Variants in EFCAB14 observed in about 807,000 individuals in gnomAD.
The protein encoded by EFCAB14 is EF-hand calcium binding domain 14.
A neutral mutation model predicts 56.5 loss-of-function variants in EFCAB14; 43 were observed. The observed-to-expected ratio is 0.76, with a 90% CI of 0.60 to 0.98. The LOEUF is 0.98. Among genes scored for constraint, EFCAB14 ranks in the 50% least tolerant of loss-of-function variants. The probability of loss-of-function intolerance (pLI) is 0.00; values close to 1 mark genes in which losing one functional copy is unlikely to be tolerated. For missense variants in EFCAB14, 538 were observed against 580.3 expected (o/e 0.93, Z 0.75); for synonymous variants, 235 against 212.9 (o/e 1.10, Z -0.90).
At chr1:46,712,886 G>A (rs1049876993) in intron 2 of EFCAB14, among the ~76,000 whole-genome samples, 26 of 151,758 alleles carry the variant, frequency 1.7e-4, no homozygotes, top group Admixed American at 4.6e-4. Context: ...GGTGGCATGC[G>A]CCTGTAATTC....
chr1:46,703,558 TCTAA>T (rs1448804281), intron 3 of EFCAB14, among the ~76,000 whole-genome samples: 1 of 152,200 alleles, frequency 6.6e-6, no homozygotes, highest in African/African-American at 2.4e-5. Context: ...AAGAAGCCTA[TCTAA>T]CACATGTATT....
chr1:46,701,521 A>G (rs1308485707), intron 3 of EFCAB14, among the ~76,000 whole-genome samples: 1 of 152,174 alleles, frequency 6.6e-6, no homozygotes, highest in African/African-American at 2.4e-5. Flanking sequence ...GAAAGTTCCA[A>G]CCTCCTGAGG....
At chr1:46,713,810 G>T (rs183148136) in intron 2 of EFCAB14, among the ~76,000 whole-genome samples, 1 of 152,116 alleles carries the variant, frequency 6.6e-6, no homozygotes, top group Non-Finnish European at 1.5e-5. Context: ...GTCTTCAGTG[G>T]TTACTTATGG....
intron 4 of EFCAB14, among the ~76,000 whole-genome samples, chr1:46,695,614 C>CA (rs1245208835): frequency 2.6e-5 from 4 of 152,186 alleles, no homozygotes; most frequent in Non-Finnish European, 5.9e-5. Flanking sequence ...TTTGGGGAAT[C>CA]CCTTCTTCCA....
chr1:46,712,845 T>TG (rs532011566), intron 2 of EFCAB14, among the ~76,000 whole-genome samples: 8 of 150,462 alleles, frequency 5.3e-5, no homozygotes, highest in African/African-American at 2.0e-4. Flanking sequence ...CTGTCTCTAC[T>TG]AAAAAAAAAT....
Position 46,697,749 on chromosome 1 carries a change from GCT to G in EFCAB14, c.481-1102_481-1101del, listed in dbSNP as rs200053831. 2.2e-3 allele frequency among the ~76,000 whole-genome samples: 335 copies of G among 152,192 alleles called. 8 individuals carry two copies. The East Asian group carries it at 0.061, about 28-fold the overall frequency. On this transcript the variant is annotated intron_variant, in intron 3 of 10. Coordinates refer to ENST00000371933, the MANE Select transcript of EFCAB14 (RefSeq NM_014774.3). ...GAGGCAAACAAGACCATGAAGCTCT[GCT>G]CTCATGGAGCATACATCCTAGTAAA...
At chr1:46,703,882 AT>A (rs1677197650) in intron 3 of EFCAB14, among the ~76,000 whole-genome samples, 1 of 152,328 alleles carries the variant, frequency 6.6e-6, no homozygotes, top group East Asian at 1.9e-4. Context: ...GAGATTACAA[AT>A]AAATTTACCA....
chr1:46,716,836 C>T (rs893614061), intron 1 of EFCAB14, among the ~76,000 whole-genome samples: 3 of 152,230 alleles, frequency 2.0e-5, no homozygotes, highest in African/African-American at 7.2e-5. Context: ...CATACTCACT[C>T]CGGGGAACCT....
intron 2 of EFCAB14, among the ~76,000 whole-genome samples, chr1:46,714,657 C>T (rs889340134): frequency 9.2e-5 from 14 of 151,746 alleles, no homozygotes; most frequent in Non-Finnish European, 1.5e-4. Flanking sequence ...CAGAGGGTGG[C>T]GCGTGCCTGT....
chr1:46,705,152 T>G (rs550846349), intron 3 of EFCAB14, among the ~76,000 whole-genome samples: 1 of 152,358 alleles, frequency 6.6e-6, no homozygotes, highest in Non-Finnish European at 1.5e-5. Flanking sequence ...AACATTAATT[T>G]TAGAAAACCA....
Position 46,675,583 on chromosome 1 carries a change from G to A in EFCAB14, c.*2878C>T, listed in dbSNP as rs193032673. 1 of 152,576 alleles carries A rather than the reference G, an allele frequency of 6.6e-6. No homozygotes were observed. Among genetic ancestry groups the A allele is most frequent in the South Asian group, 2.1e-4 (1 of 4,804 alleles). The allele number at this position is 152,576 out of a possible 1,614,324, so 9.5% of individuals were successfully genotyped here. Reference sequence around the variant, plus strand: ...AACTGTGACCGGCAGGACCAGCAAGGGGGGGTGTTGAAGGGGTTATGAACA... The same window carrying A: ...AACTGTGACCGGCAGGACCAGCAAGAGGGGGTGTTGAAGGGGTTATGAACA... On this transcript the variant is annotated 3_prime_UTR_variant, in exon 11 of 11. Transcript: ENST00000371933.
At chr1:46,702,711 T>A (rs1180029581) in intron 3 of EFCAB14, among the ~76,000 whole-genome samples, 1 of 151,996 alleles carries the variant, frequency 6.6e-6, no homozygotes, top group East Asian at 1.9e-4. Context: ...ATCGTTTTCT[T>A]TATCATCATG....
In EFCAB14 at chr1:46,718,139, C is replaced by T. The variant is rs1356859057; in HGVS notation, c.-52G>A. 1.3e-6 allele frequency: 2 copies of T among 1,577,576 alleles called. No individual in the cohort carries two copies. Among genetic ancestry groups the T allele is most frequent in the Admixed American group, 3.5e-5 (2 of 57,254 alleles). On this transcript the variant is annotated 5_prime_UTR_variant, in exon 1 of 11. Coordinates refer to ENST00000371933, the MANE Select transcript of EFCAB14 (RefSeq NM_014774.3). The stretch of plus-strand genomic sequence containing the variant: ...CGACTCCTGAGCTGCCAGGTTCGTA[C>T]CCGATGCCCAATTCTCTTCCTGCCT...
intron 3 of EFCAB14, among the ~76,000 whole-genome samples, chr1:46,706,797 T>C (rs951883228): frequency 6.6e-6 from 1 of 152,186 alleles, no homozygotes; most frequent in Admixed American, 6.5e-5. Context: ...ATGAATAATT[T>C]TGAAAGATTA....
intron 8 of EFCAB14, among the ~76,000 whole-genome samples, chr1:46,685,754 A>C (rs2148839623): frequency 6.6e-6 from 1 of 152,326 alleles, no homozygotes; most frequent in Middle Eastern, 3.4e-3. Context: ...ACTACTTTCT[A>C]ATAGAAACCA....
At chr1:46,708,839 A>G (rs1156461222) in intron 2 of EFCAB14, among the ~76,000 whole-genome samples, 2 of 152,214 alleles carry the variant, frequency 1.3e-5, no homozygotes, top group Non-Finnish European at 2.9e-5. Flanking sequence ...GCCTGAAGGC[A>G]GAGGCCTGAA....
chr1:46,683,237 A>G (rs1189856026), intron 10 of EFCAB14, 63 bp downstream of exon 10: 30 of 1,550,888 alleles, frequency 1.9e-5, no homozygotes, highest in South Asian at 1.3e-4. Flanking sequence ...ACAAGTGAAA[A>G]TAAACATTAA....
intron 8 of EFCAB14, 41 bp downstream of exon 8, chr1:46,686,743 T>A (rs2148840171): frequency 1.3e-6 from 2 of 1,586,984 alleles, no homozygotes; most frequent in Non-Finnish European, 1.7e-6. Flanking sequence ...GAGATGCTGC[T>A]GCATTTACTT....
At position 46,675,935 on chromosome 1, in the gene EFCAB14, G is replaced by A. The variant is rs1676687295; in HGVS notation, c.*2526C>T. 1 of 152,196 alleles carries A rather than the reference G, an allele frequency of 6.6e-6. No homozygotes were observed. Among genetic ancestry groups the A allele is most frequent in the African/African-American group, 2.4e-5 (1 of 41,440 alleles). The allele number at this position is 152,196 out of a possible 1,614,324, so 9.4% of individuals were successfully genotyped here. On this transcript the variant is annotated 3_prime_UTR_variant, in exon 11 of 11. Transcript: ENST00000371933. Reference sequence around the variant, plus strand: ...GCAGTAGGAGCTGCCAGACTGAAAAGGTAAAAGGGTTTAAAACCAAAACCA... The same window carrying A: ...GCAGTAGGAGCTGCCAGACTGAAAAAGTAAAAGGGTTTAAAACCAAAACCA...
Sources: allele counts gnomAD v4.1 joint callset (sites outside exome capture counted in the v4.1 genomes callset), GRCh38; gene constraint gnomAD v4.1.1; transcripts MANE v1.5; gene names NCBI Gene and HGNC (gene_info 2026-07-23, HGNC 2026-07-21).